KIAA0825: variants seen among roughly 807,000 people sequenced by gnomAD.
KIAA0825 encodes the protein uncharacterized protein KIAA0825.
In KIAA0825, 119 loss-of-function variants were observed where a neutral mutation model predicts 147.6. The ratio of observed to expected loss-of-function variants is 0.81; its 90% confidence interval spans 0.69 to 0.94. The LOEUF is 0.94. Among genes scored for constraint, KIAA0825 ranks in the 40% least tolerant of loss-of-function variants. The probability of loss-of-function intolerance (pLI) is 0.00; values close to 1 mark genes in which losing one functional copy is unlikely to be tolerated. For synonymous variants in KIAA0825, 470 were observed against 518.1 expected, an observed-to-expected ratio of 0.91 and a Z score of 1.26; for missense variants, 1,381 against 1,472.7, an observed-to-expected ratio of 0.94 and a Z score of 1.02.
At chr5:94,260,769 G>A (rs899316378) in intron 20 of KIAA0825, among the ~76,000 whole-genome samples, 1 of 152,140 alleles carries the variant, frequency 6.6e-6, no homozygotes, top group African/African-American at 2.4e-5. Context: ...GCAGCATTAA[G>A]TCGGTATGAT....
intron 20 of KIAA0825, among the ~76,000 whole-genome samples, chr5:94,222,254 G>C (rs1469271305): frequency 6.6e-6 from 1 of 152,222 alleles, no homozygotes; most frequent in African/African-American, 2.4e-5. Flanking sequence ...AGATTCTTGG[G>C]CCTTTCTCTC....
intron 10 of KIAA0825, among the ~76,000 whole-genome samples, chr5:94,469,478 G>T (rs1035884020): frequency 2.2e-4 from 33 of 152,052 alleles, no homozygotes; most frequent in African/African-American, 7.7e-4. Context: ...GGCCTCAAAT[G>T]GGTCTTAAAG....
chr5:94,375,114 C>T (rs952045150), intron 20 of KIAA0825, among the ~76,000 whole-genome samples: 13 of 150,674 alleles, frequency 8.6e-5, no homozygotes, highest in African/African-American at 3.2e-4. Flanking sequence ...TCACTGCAAC[C>T]TCTGCCTCCA....
chr5:94,433,880 A>G (rs1246399065), intron 14 of KIAA0825, among the ~76,000 whole-genome samples: 1 of 152,216 alleles, frequency 6.6e-6, no homozygotes, highest in East Asian at 1.9e-4. Context: ...TGTTAGTCAC[A>G]CTTCATTCAA....
chr5:94,183,023 AAG>A (rs1290145314), intron 20 of KIAA0825, among the ~76,000 whole-genome samples: 1 of 152,184 alleles, frequency 6.6e-6, no homozygotes, highest in African/African-American at 2.4e-5. Flanking sequence ...AAGAGCAAGG[AAG>A]AGAGTTTGTG....
At chr5:94,231,008 A>T (rs762982406) in intron 20 of KIAA0825, among the ~76,000 whole-genome samples, 1 of 152,174 alleles carries the variant, frequency 6.6e-6, no homozygotes, top group Non-Finnish European at 1.5e-5. Context: ...AGATGGGCCA[A>T]TGAAAAACCT....
intron 20 of KIAA0825, among the ~76,000 whole-genome samples, chr5:94,161,312 T>A (rs1204393698): frequency 2.6e-5 from 4 of 152,248 alleles, no homozygotes; most frequent in African/African-American, 7.2e-5. Flanking sequence ...AGGGAGAAAA[T>A]TATTTTCCTT....
At chr5:94,575,399 G>A (rs2152339522) in intron 2 of KIAA0825, among the ~76,000 whole-genome samples, 1 of 152,160 alleles carries the variant, frequency 6.6e-6, no homozygotes, top group African/African-American at 2.4e-5. Flanking sequence ...GACTTTCCAG[G>A]ATATGATAGA....
Position 94,433,064 on chromosome 5 carries a change from C to T in KIAA0825, c.2497+6918G>A, listed in dbSNP as rs558594631. Among the ~76,000 whole-genome samples, 13 of 152,174 alleles carry T rather than the reference C, an allele frequency of 8.5e-5. No individual in the cohort carries two copies. The South Asian group carries it at 2.5e-3, about 29-fold the overall frequency. ...TATTTTATTTTTTGAGATGGAGTCT[C>T]GCTCCATAGCCCAGGCTGGAGTGCA... is the stretch of plus-strand genomic sequence containing the variant. On this transcript the variant is annotated intron_variant, in intron 14 of 20. Coordinates refer to ENST00000682413, the MANE Select transcript of KIAA0825 (RefSeq NM_001145678.3).
chr5:94,193,304 C>T (rs1162261027), intron 20 of KIAA0825, among the ~76,000 whole-genome samples: 1 of 152,174 alleles, frequency 6.6e-6, no homozygotes, highest in Non-Finnish European at 1.5e-5. Flanking sequence ...CAGAATGCCA[C>T]ATTGAAAAGT....
intron 20 of KIAA0825, among the ~76,000 whole-genome samples, chr5:94,332,541 C>A (rs988682454): frequency 3.3e-5 from 5 of 152,122 alleles, no homozygotes; most frequent in African/African-American, 1.2e-4. Context: ...CATGTCCCTG[C>A]AAAGACATTA....
rs555697425 is a variant in KIAA0825 at position 94,494,000 on chromosome 5, T to C, written c.971-9070A>G. ...TTTGGAGGGGTCCAGACAGTAAATA[T>C]CCTCTTGTTTCACATACCAAGAGAA... On this transcript the variant is annotated intron_variant, in intron 5 of 20. Coordinates refer to ENST00000682413, the MANE Select transcript of KIAA0825 (RefSeq NM_001145678.3). 9.9e-5 allele frequency among the ~76,000 whole-genome samples: 15 copies of C among 152,222 alleles called. No individual in the cohort carries two copies. In the East Asian group the frequency reaches 1.9e-3, roughly 20 times the overall value.
At chr5:94,336,790 C>G (rs1366259748) in intron 20 of KIAA0825, among the ~76,000 whole-genome samples, 3 of 152,046 alleles carry the variant, frequency 2.0e-5, no homozygotes, top group African/African-American at 7.2e-5. Context: ...AATGAGATTG[C>G]TGGGCCAAAT....
intron 14 of KIAA0825, among the ~76,000 whole-genome samples, chr5:94,430,441 T>A (rs1352117807): frequency 6.6e-6 from 1 of 152,210 alleles, no homozygotes; most frequent in Non-Finnish European, 1.5e-5. Context: ...TATTTTAGAA[T>A]TCATTTAAAA....
Position 94,386,437 on chromosome 5 carries a change from T to C in KIAA0825, c.3457-33A>G, listed in dbSNP as rs569869262. On this transcript the variant is annotated intron_variant, in intron 18 of 20. Transcript: ENST00000682413. ...GAAAAGAAATTACAAGTTGTGACGG[T>C]GAGAAGCAGACATTCTCTGTAAAAA... 45 of 1,511,906 alleles carry C rather than the reference T, an allele frequency of 3.0e-5. 1 individual carries two copies. The South Asian group carries it at 4.5e-4, about 15-fold the overall frequency. The allele number at this position is 1,511,906 out of a possible 1,614,324, so 93.7% of individuals were successfully genotyped here.
intron 2 of KIAA0825, among the ~76,000 whole-genome samples, chr5:94,581,589 G>A (rs765467161): frequency 9.2e-5 from 14 of 152,162 alleles, no homozygotes; most frequent in South Asian, 4.1e-4. Context: ...ATGTGAAATC[G>A]TGATAGCATG....
intron 20 of KIAA0825, among the ~76,000 whole-genome samples, chr5:94,339,117 C>T (rs1782099574): frequency 6.6e-6 from 1 of 152,070 alleles, no homozygotes; most frequent in Non-Finnish European, 1.5e-5. Context: ...TTATACCGCT[C>T]TGCAAAATAA....
intron 20 of KIAA0825, among the ~76,000 whole-genome samples, chr5:94,219,901 T>C (rs914971621): frequency 1.2e-4 from 19 of 152,280 alleles, no homozygotes; most frequent in East Asian, 7.7e-4. Context: ...GTAGAACTTA[T>C]AAACACTCCA....
intron 13 of KIAA0825, among the ~76,000 whole-genome samples, chr5:94,446,157 T>C (rs1262584740): frequency 6.6e-6 from 1 of 152,218 alleles, no homozygotes; most frequent in African/African-American, 2.4e-5. Context: ...TGCAATACAA[T>C]ACTTTAATAT....
Sources: gnomAD v4.1 joint callset for allele counts (sites outside exome capture counted in the v4.1 genomes callset) on GRCh38, gnomAD v4.1.1 for gene constraint, MANE v1.5 for transcripts, NCBI Gene and HGNC (gene_info 2026-07-23, HGNC 2026-07-21) for gene names.